DNAH14: variants seen among roughly 807,000 people sequenced by gnomAD.
DNAH14 encodes the protein dynein axonemal heavy chain 14, also known as axonemal beta dynein heavy chain 14.
Under a neutral mutation model 520.9 loss-of-function variants are expected in DNAH14, and 478 were observed. The ratio of observed to expected loss-of-function variants is 0.92; its 90% CI spans 0.85 to 0.99. The LOEUF (loss-of-function observed/expected upper bound fraction) is 0.99. Ranked by LOEUF, DNAH14 falls within the 50% of genes least tolerant of loss-of-function variation. The pLI is 0.00. For missense variants in DNAH14, 4,831 were observed against 5,234.5 expected (o/e 0.92, Z 2.38); for synonymous variants, 1,581 against 1,757.2 (o/e 0.90, Z 2.51).
At chr1:225,325,724 T>C (rs1048880963) in intron 64 of DNAH14, among the ~76,000 whole-genome samples, 2 of 152,164 alleles carry the variant, frequency 1.3e-5, no homozygotes, top group African/African-American at 4.8e-5. Flanking sequence ...TCCATTGATA[T>C]CTTTTGACCT....
intron 16 of DNAH14, among the ~76,000 whole-genome samples, chr1:225,051,138 G>T (rs894212086): frequency 2.0e-5 from 3 of 152,164 alleles, no homozygotes; most frequent in Non-Finnish European, 2.9e-5. Flanking sequence ...AGGGCTAAGC[G>T]TAGTATACTC....
intron 75 of DNAH14, among the ~76,000 whole-genome samples, chr1:225,361,469 CAAT>C (rs1242457217): frequency 6.6e-6 from 1 of 152,240 alleles, no homozygotes; most frequent in African/African-American, 2.4e-5. Flanking sequence ...TGTGTTGAAT[CAAT>C]GATGTTTCAA....
intron 55 of DNAH14, 116 bp from the exon 56 acceptor site, chr1:225,300,753 A>G (rs2094124036): frequency 2.7e-6 from 3 of 1,112,436 alleles, no homozygotes; most frequent in East Asian, 2.7e-5. Flanking sequence ...AAAAAAAATC[A>G]CTTAGCCTCA....
At chr1:224,941,889 G>C (rs780467877) in intron 1 of DNAH14, among the ~76,000 whole-genome samples, 18 of 152,172 alleles carry the variant, frequency 1.2e-4, no homozygotes, top group Middle Eastern at 3.4e-3. Flanking sequence ...GGTACCAGTA[G>C]CATGCTGTTT....
At chr1:225,003,630 CAG>C (rs925022354) in intron 9 of DNAH14, among the ~76,000 whole-genome samples, 1 of 151,854 alleles carries the variant, frequency 6.6e-6, no homozygotes, top group African/African-American at 2.4e-5. Flanking sequence ...TGTGTAATGA[CAG>C]ATACATAGTA....
intron 41 of DNAH14, among the ~76,000 whole-genome samples, chr1:225,228,523 T>A (rs2149550725): frequency 6.6e-6 from 1 of 152,192 alleles, no homozygotes; most frequent in East Asian, 1.9e-4. Context: ...CTAGAATCCC[T>A]AATCGCCGTA....
At chr1:225,318,956 T>C (rs745320662) in intron 61 of DNAH14, among the ~76,000 whole-genome samples, 7 of 152,198 alleles carry the variant, frequency 4.6e-5, no homozygotes, top group Non-Finnish European at 2.9e-5. Context: ...TGATGTGCTG[T>C]TTGTTATAAA....
At chr1:225,367,676 G>T (rs2095570566) in intron 76 of DNAH14, 129 bp from the exon 77 acceptor site, 4 of 657,432 alleles carry the variant, frequency 6.1e-6, no homozygotes, top group African/African-American at 1.8e-5. Context: ...TTTTGGATTT[G>T]CCAGTGAATC....
chr1:225,198,422 T>C (rs2086425947), intron 38 of DNAH14, among the ~76,000 whole-genome samples: 1 of 152,122 alleles, frequency 6.6e-6, no homozygotes, highest in Non-Finnish European at 1.5e-5. Context: ...TTTCACCGTG[T>C]TAGCCAGGAT....
rs1558241371 is a variant in DNAH14, at chr1:225,276,977, GGAAGGA to G, written c.8179-432_8179-427del. Among the ~76,000 whole-genome samples the G allele has an allele frequency of 7.5e-4, 43 of 57,580 alleles. 1 individual carries two copies. Among genetic ancestry groups the G allele is most frequent in the South Asian group, 6.5e-3 (7 of 1,078 alleles). The allele number at this position is 57,580 out of a possible 152,430, so 37.8% of individuals were successfully genotyped here. ...AGGAAGGAAGGAAGGAAGGAAGGAA[GGAAGGA>G]AGGGAGGGAGGAAGGAAGGGAGGGA... On this transcript the variant is annotated intron_variant, in intron 53 of 85. Coordinates refer to ENST00000682510, the MANE Select transcript of DNAH14 (RefSeq NM_001367479.1).
chr1:225,245,990 T>G (rs112119877), intron 43 of DNAH14, among the ~76,000 whole-genome samples: 5,781 of 148,008 alleles, frequency 0.039, 350 homozygotes, highest in African/African-American at 0.13. Context: ...AAGGCTACAG[T>G]AACCAAAACA....
At chr1:225,021,031 GAATT>G (rs2065646565) in intron 10 of DNAH14, among the ~76,000 whole-genome samples, 1 of 152,162 alleles carries the variant, frequency 6.6e-6, no homozygotes, top group Admixed American at 6.5e-5. Flanking sequence ...TATGTAATCA[GAATT>G]AAAAACAAAT....
intron 17 of DNAH14, among the ~76,000 whole-genome samples, chr1:225,078,478 A>C (rs1441932603): frequency 6.6e-6 from 1 of 152,138 alleles, no homozygotes; most frequent in African/African-American, 2.4e-5. Context: ...AATAGCATCT[A>C]TTTTATATGT....
At chr1:225,006,175 G>T (rs2501126) in intron 9 of DNAH14, among the ~76,000 whole-genome samples, 17 of 152,106 alleles carry the variant, frequency 1.1e-4, no homozygotes, top group African/African-American at 3.9e-4. Context: ...AATTTCCTAT[G>T]CCTGTCTTTA....
rs1471866621 is a variant in DNAH14 at position 225,240,826 on chromosome 1, A to C, written c.6748+4A>C. 2 of 1,530,106 alleles carry C rather than the reference A, an allele frequency of 1.3e-6. No homozygotes were observed. Among genetic ancestry groups the C allele is most frequent in the Non-Finnish European group, 1.8e-6 (2 of 1,130,098 alleles). The allele number at this position is 1,530,106 out of a possible 1,614,324, so 94.8% of individuals were successfully genotyped here. The stretch of plus-strand genomic sequence containing the variant: ...TTTGGAAACAGTTCACAAGTAGGTA[A>C]GTTCTGTGGGAAAAATCATAACTAT... On this transcript the variant is annotated splice_donor_region_variant and intron_variant, in intron 43 of 85. Transcript: ENST00000682510.
At chr1:225,377,951 C>G (rs558891997) in intron 79 of DNAH14, among the ~76,000 whole-genome samples, 43 of 152,084 alleles carry the variant, frequency 2.8e-4, no homozygotes, top group Middle Eastern at 6.9e-3. Context: ...ATCTAATAAT[C>G]AAATAAATAT....
chr1:225,087,694 G>A (rs1024264148), intron 21 of DNAH14, among the ~76,000 whole-genome samples: 7 of 152,196 alleles, frequency 4.6e-5, no homozygotes, highest in East Asian at 1.9e-4. Flanking sequence ...GATGTTGAAG[G>A]TCTGGAGAAC....
chr1:225,086,770 A>T (rs1030381364), intron 21 of DNAH14, among the ~76,000 whole-genome samples: 10 of 152,174 alleles, frequency 6.6e-5, no homozygotes, highest in African/African-American at 9.6e-5. Flanking sequence ...TAAAACACCC[A>T]CAATAGAAAT....
intron 63 of DNAH14, 50 bp downstream of exon 63, chr1:225,324,403 A>G: frequency 4.6e-6 from 7 of 1,531,420 alleles, no homozygotes; most frequent in African/African-American, 2.8e-5. Flanking sequence ...TGGCACATCA[A>G]TGTCCCAGAA....
Sources: allele counts gnomAD v4.1 joint callset (sites outside exome capture counted in the v4.1 genomes callset), GRCh38; gene constraint gnomAD v4.1.1; transcripts MANE v1.5; gene names NCBI Gene and HGNC (gene_info 2026-07-23, HGNC 2026-07-21).